The following TRHDE variants were observed in gnomAD, a reference collection of about 807,000 sequenced individuals.
TRHDE encodes the protein thyrotropin-releasing hormone-degrading ectoenzyme.
TRHDE carries 72 observed loss-of-function variants against 125.7 expected under a neutral mutation model. The observed-to-expected ratio is 0.57, with a 90% CI of 0.47 to 0.70. The LOEUF (loss-of-function observed/expected upper bound fraction) is 0.70. TRHDE is among the 30% of genes least tolerant of loss of function. TRHDE has a pLI of 0.00. For missense variants in TRHDE, 1,110 were observed against 1,327.1 expected (o/e 0.84, Z 2.54); for synonymous variants, 509 against 509.1 (o/e 1.00, Z 0.00).
chr12:72,226,303 G>C (rs149551959), intron 2 of TRHDE, among the ~76,000 whole-genome samples: 2 of 152,318 alleles, frequency 1.3e-5, no homozygotes, highest in Non-Finnish European at 2.9e-5. Flanking sequence ...CTTTGTGTAT[G>C]AGGAGAAACT....
chr12:72,308,749 G>A (rs1417420579), intron 2 of TRHDE, among the ~76,000 whole-genome samples: 1 of 152,108 alleles, frequency 6.6e-6, no homozygotes, highest in Non-Finnish European at 1.5e-5. Flanking sequence ...AAACTGTTAT[G>A]CTACCTAAAA....
At chr12:72,342,611 T>C (rs991246924) in intron 2 of TRHDE, among the ~76,000 whole-genome samples, 3 of 152,084 alleles carry the variant, frequency 2.0e-5, no homozygotes, top group African/African-American at 7.2e-5. Context: ...GAGAAAAACA[T>C]TGGAGTATAA....
chr12:72,546,696 G>A (rs1208894729), intron 7 of TRHDE, among the ~76,000 whole-genome samples: 1 of 151,490 alleles, frequency 6.6e-6, no homozygotes, highest in Non-Finnish European at 1.5e-5. Context: ...ATTAACATTG[G>A]ATATAGTCAT....
chr12:72,385,427 C>G (rs1872369658), intron 3 of TRHDE, among the ~76,000 whole-genome samples: 1 of 152,040 alleles, frequency 6.6e-6, no homozygotes, highest in Non-Finnish European at 1.5e-5. Context: ...TTTCCGCCAT[C>G]TTTAAAATCA....
At chr12:72,421,189 A>G (rs1241599403) in intron 3 of TRHDE, among the ~76,000 whole-genome samples, 1 of 152,154 alleles carries the variant, frequency 6.6e-6, no homozygotes, top group African/African-American at 2.4e-5. Context: ...TTAATCCCCC[A>G]TTAGTCACAC....
At chr12:72,641,815 G>A (rs572068013) in intron 15 of TRHDE, among the ~76,000 whole-genome samples, 1 of 152,032 alleles carries the variant, frequency 6.6e-6, no homozygotes, top group South Asian at 2.1e-4. Flanking sequence ...TCATTCCACT[G>A]TTTTTATGAA....
intron 2 of TRHDE, among the ~76,000 whole-genome samples, chr12:72,260,072 G>A (rs555620301): frequency 1.3e-5 from 2 of 152,206 alleles, no homozygotes; most frequent in African/African-American, 2.4e-5. Context: ...ATATATGCAC[G>A]TTGCTGTATA....
Position 72,542,274 on chromosome 12 carries a change from A to G in TRHDE, c.1723-17A>G, listed in dbSNP as rs1277082967. ...ACTTTGTTGAAATTCTGTTCTTTTT[A>G]TTATTCTTTCCTATAGGGTGCTGCT... On this transcript the variant is annotated splice_polypyrimidine_tract_variant and intron_variant, in intron 6 of 18. Coordinates refer to ENST00000261180, the MANE Select transcript of TRHDE (RefSeq NM_013381.3). 4 of 1,572,558 alleles carry G rather than the reference A, an allele frequency of 2.5e-6. No individual in the cohort carries two copies. In the African/African-American group the frequency reaches 4.1e-5, roughly 16 times the overall value.
chr12:72,608,763 T>C (rs1399022494), intron 12 of TRHDE, among the ~76,000 whole-genome samples: 1 of 152,210 alleles, frequency 6.6e-6, no homozygotes, highest in East Asian at 1.9e-4. Flanking sequence ...TCATATCCCC[T>C]ATAATTTTCT....
At chr12:72,178,254 C>G (rs1368831612) in intron 2 of TRHDE, among the ~76,000 whole-genome samples, 1 of 151,974 alleles carries the variant, frequency 6.6e-6, no homozygotes, top group Non-Finnish European at 1.5e-5. Flanking sequence ...TTAGGATAAT[C>G]AGGTCCAGAT....
chr12:72,521,851 G>T (rs78501432), intron 6 of TRHDE, among the ~76,000 whole-genome samples: 1,615 of 152,218 alleles, frequency 0.011, 25 homozygotes, highest in African/African-American at 0.036. Context: ...AGTCAAATTT[G>T]TTAAGAGTAA....
intron 2 of TRHDE, among the ~76,000 whole-genome samples, chr12:72,298,535 G>A (rs1054349386): frequency 3.9e-5 from 6 of 152,048 alleles, no homozygotes; most frequent in African/African-American, 1.4e-4. Context: ...TTAAAGAACT[G>A]TTTTTGGCCA....
At chr12:72,637,124 A>C (rs561601681) in intron 15 of TRHDE, among the ~76,000 whole-genome samples, 11 of 152,072 alleles carry the variant, frequency 7.2e-5, no homozygotes, top group Non-Finnish European at 1.6e-4. Flanking sequence ...CTGTGAATCC[A>C]TCTGGTCCCG....
chr12:72,294,193 A>G (rs574597912), intron 2 of TRHDE, among the ~76,000 whole-genome samples: 8 of 152,330 alleles, frequency 5.3e-5, no homozygotes, highest in African/African-American at 1.9e-4. Context: ...AGTAAGGGGC[A>G]TGTCTCAGCC....
intron 3 of TRHDE, among the ~76,000 whole-genome samples, chr12:72,425,214 C>A (rs1874133513): frequency 6.6e-6 from 1 of 152,086 alleles, no homozygotes. Context: ...CATTGGCCAG[C>A]AAAACCCTCA....
chr12:72,609,074 T>C (rs1486029025), intron 12 of TRHDE, among the ~76,000 whole-genome samples: 3 of 152,188 alleles, frequency 2.0e-5, no homozygotes, highest in Admixed American at 6.5e-5. Flanking sequence ...TAAAGCAATG[T>C]TGGCTATCAC....
At chr12:72,632,993 A>G (rs1374669899) in intron 15 of TRHDE, among the ~76,000 whole-genome samples, 7 of 152,014 alleles carry the variant, frequency 4.6e-5, no homozygotes, top group Non-Finnish European at 1.0e-4. Flanking sequence ...AAGTGATCTT[A>G]TAGCCCAGCT....
intron 12 of TRHDE, among the ~76,000 whole-genome samples, chr12:72,603,167 G>A (rs1456985461): frequency 6.6e-6 from 1 of 152,090 alleles, no homozygotes; most frequent in Non-Finnish European, 1.5e-5. Flanking sequence ...GATCTGGCAT[G>A]GCAAGAAAGA....
In TRHDE at chr12:72,612,354, G is replaced by A. The variant is rs116084368; in HGVS notation, c.2322-6537G>A. 3.3e-3 allele frequency among the ~76,000 whole-genome samples: 497 copies of A among 152,244 alleles called. 2 individuals are homozygous for A. The highest frequency in any genetic ancestry group is 0.011 in the African/African-American group (460 of 41,538). On this transcript the variant is annotated intron_variant, in intron 12 of 18. Coordinates refer to ENST00000261180, the MANE Select transcript of TRHDE (RefSeq NM_013381.3). ...CTGGGATCACATTATGTATGTATAT[G>A]TGTATTAAGTCTAATGTGATAAATT...
Sources: gnomAD v4.1 joint callset for allele counts (sites outside exome capture counted in the v4.1 genomes callset) on GRCh38, gnomAD v4.1.1 for gene constraint, MANE v1.5 for transcripts, NCBI Gene and HGNC (gene_info 2026-07-23, HGNC 2026-07-21) for gene names.